Variants in CFAP90 observed in about 807,000 individuals in gnomAD.
The protein encoded by CFAP90 is cilia- and flagella-associated protein 90.
At chr5:7,831,898 G>A in the CFAP90 span, 5 of 1,614,072 alleles carry the variant, frequency 3.1e-6, no homozygotes, top group South Asian at 1.1e-5. Flanking sequence ...GGCTGGGGAT[G>A]TCGTTCTTCC....
the CFAP90 span, chr5:7,831,772 T>G: frequency 9.2e-5 from 129 of 1,406,018 alleles, no homozygotes; most frequent in East Asian, 2.9e-3. Context: ...GAAAGGAGGC[T>G]CCAGATGCCA....
the CFAP90 span, chr5:7,850,763 C>T: frequency 8.8e-6 from 10 of 1,142,184 alleles, no homozygotes; most frequent in African/African-American, 1.6e-5. Context: ...TTCTCCCCCG[C>T]CCCTCCGCGG....
At chr5:7,836,773 TCA>T in the CFAP90 span, among the ~76,000 whole-genome samples, 1 of 152,022 alleles carries the variant, frequency 6.6e-6, no homozygotes, top group South Asian at 2.1e-4. Flanking sequence ...GTACCAGGGG[TCA>T]TTGTTTTCTT....
At chr5:7,847,880 T>C in the CFAP90 span, among the ~76,000 whole-genome samples, 2 of 152,216 alleles carry the variant, frequency 1.3e-5, no homozygotes, top group Admixed American at 1.3e-4. Context: ...CAGATTCTGC[T>C]CTTTTTCCTG....
chr5:7,847,614 G>A, the CFAP90 span, among the ~76,000 whole-genome samples: 2 of 152,132 alleles, frequency 1.3e-5, no homozygotes, highest in Non-Finnish European at 2.9e-5. Flanking sequence ...TAGGCAACTG[G>A]CCAGATTTGG....
chr5:7,831,889 G>A, the CFAP90 span: 4 of 1,613,766 alleles, frequency 2.5e-6, no homozygotes, highest in African/African-American at 1.3e-5. Flanking sequence ...GTTCCTTGAG[G>A]CTGGGGATGT....
chr5:7,847,063 A>G, the CFAP90 span, among the ~76,000 whole-genome samples: 4 of 152,190 alleles, frequency 2.6e-5, no homozygotes, highest in African/African-American at 9.7e-5. Context: ...AGTTCTCTAG[A>G]AAACCTGTGA....
the CFAP90 span, among the ~76,000 whole-genome samples, chr5:7,837,809 G>A: frequency 4.1e-4 from 63 of 152,304 alleles, no homozygotes; most frequent in African/African-American, 1.5e-3. Flanking sequence ...AGTAACATGT[G>A]TAAGGCCCCT....
chr5:7,832,695 C>A, the CFAP90 span, among the ~76,000 whole-genome samples: 4 of 152,240 alleles, frequency 2.6e-5, no homozygotes, highest in South Asian at 6.2e-4. Context: ...ACCATGTTGA[C>A]CAGGCTGGTC....
chr5:7,830,677 C>A, the CFAP90 span: 1 of 152,156 alleles, frequency 6.6e-6, no homozygotes, highest in African/African-American at 2.4e-5. Context: ...TTTAGAGAAT[C>A]CTTTTTCCAT....
At chr5:7,844,766 C>T in the CFAP90 span, among the ~76,000 whole-genome samples, 1 of 152,116 alleles carries the variant, frequency 6.6e-6, no homozygotes, top group Non-Finnish European at 1.5e-5. Flanking sequence ...ACTGAGTTCA[C>T]CTTCCCCACA....
chr5:7,842,535 C>G, the CFAP90 span, among the ~76,000 whole-genome samples: 1 of 151,808 alleles, frequency 6.6e-6, no homozygotes, highest in Non-Finnish European at 1.5e-5. Context: ...TCCTCCAAAC[C>G]CTCTCTCCCC....
the CFAP90 span, chr5:7,831,941 C>G: frequency 3.1e-6 from 5 of 1,613,992 alleles, no homozygotes; most frequent in African/African-American, 6.7e-5. Flanking sequence ...GTTGGCACGG[C>G]CAAAGTCCCG....
chr5:7,850,838 AG>A, the CFAP90 span: 1 of 882,034 alleles, frequency 1.1e-6, no homozygotes, highest in Non-Finnish European at 1.4e-6. Context: ...CCAGCCGCCC[AG>A]CCTTCCGGTC....
the CFAP90 span, chr5:7,851,064 C>T: frequency 1.5e-5 from 18 of 1,236,026 alleles, no homozygotes; most frequent in Non-Finnish European, 1.7e-5. Flanking sequence ...CGGTCCGTCC[C>T]GCCCGCCCAG....
the CFAP90 span, among the ~76,000 whole-genome samples, chr5:7,849,900 C>G: frequency 1.3e-5 from 2 of 152,130 alleles, no homozygotes; most frequent in African/African-American, 4.8e-5. Context: ...CTGGGCCTGC[C>G]GCAGACAGAC....
At chr5:7,841,742 G>A in the CFAP90 span, among the ~76,000 whole-genome samples, 1 of 152,080 alleles carries the variant, frequency 6.6e-6, no homozygotes, top group Non-Finnish European at 1.5e-5. Flanking sequence ...ACCAAATCCC[G>A]CATGTTCTTA....
chr5:7,831,879 G>T, the CFAP90 span: 1 of 1,613,524 alleles, frequency 6.2e-7, no homozygotes, highest in Non-Finnish European at 8.5e-7. Context: ...CCAAAGCCGG[G>T]TTCCTTGAGG....
chr5:7,831,938 C>A, the CFAP90 span: 15 of 1,614,144 alleles, frequency 9.3e-6, no homozygotes, highest in South Asian at 1.3e-4. Context: ...ATGGTTGGCA[C>A]GGCCAAAGTC....
Sources: gnomAD v4.1 joint callset for allele counts (sites outside exome capture counted in the v4.1 genomes callset) on GRCh38, gnomAD v4.1.1 for gene constraint, MANE v1.5 for transcripts, NCBI Gene and HGNC (gene_info 2026-07-23, HGNC 2026-07-21) for gene names.